Variants in CFDP1 observed in about 807,000 individuals in gnomAD.
The protein encoded by CFDP1 is heterochromatin-stabilizing protein CFDP1.
A neutral mutation model predicts 40.1 loss-of-function variants in CFDP1; 31 were observed. The observed-to-expected ratio is 0.77, with a 90% CI of 0.58 to 1.04. CFDP1 has a LOEUF of 1.04. CFDP1 is among the 50% of genes least tolerant of loss of function. The pLI, the probability that CFDP1 is intolerant of heterozygous loss-of-function variation, is 0.00. For missense variants in CFDP1, 423 were observed against 343.4 expected (o/e 1.23, Z -1.83); for synonymous variants, 167 against 120.0 (o/e 1.39, Z -2.56).
At chr16:75,426,559 CCA>C (rs754258087) in intron 1 of CFDP1, among the ~76,000 whole-genome samples, 15 of 151,834 alleles carry the variant, frequency 9.9e-5, no homozygotes, top group Non-Finnish European at 1.9e-4. Flanking sequence ...GCCTGTAGTC[CCA>C]GTTACTACAG....
intron 4 of CFDP1, among the ~76,000 whole-genome samples, chr16:75,408,668 C>T (rs1189090950): frequency 2.6e-5 from 4 of 151,488 alleles, no homozygotes; most frequent in Non-Finnish European, 4.4e-5. Context: ...CCCAGCCACT[C>T]GGGAGCCTGA....
intron 1 of CFDP1, among the ~76,000 whole-genome samples, chr16:75,416,881 T>A (rs2079212622): frequency 6.6e-6 from 1 of 152,216 alleles, no homozygotes; most frequent in South Asian, 2.1e-4. Flanking sequence ...CTGTTTGACA[T>A]CCCAAACACC....
chr16:75,406,699 C>T (rs2079102742), intron 4 of CFDP1: 1 of 150,474 alleles, frequency 6.6e-6, no homozygotes, highest in Non-Finnish European at 1.5e-5. Flanking sequence ...GAGACTCCAA[C>T]TCAAAAAATA....
chr16:75,423,620 T>C (rs1298988970), intron 1 of CFDP1, among the ~76,000 whole-genome samples: 5 of 152,040 alleles, frequency 3.3e-5, no homozygotes, highest in Non-Finnish European at 7.4e-5. Context: ...GTTCACGCCA[T>C]TCTCCTGCTT....
intron 5 of CFDP1, among the ~76,000 whole-genome samples, chr16:75,349,949 G>C (rs1414048268): frequency 6.6e-6 from 1 of 151,680 alleles, no homozygotes; most frequent in Non-Finnish European, 1.5e-5. Context: ...AGACATACTT[G>C]TCTTTTTCCT....
chr16:75,413,423 G>A (rs1034059470), intron 2 of CFDP1, among the ~76,000 whole-genome samples: 1 of 152,030 alleles, frequency 6.6e-6, no homozygotes, highest in Non-Finnish European at 1.5e-5. Flanking sequence ...AGCCGGGCAT[G>A]TTGGTGGGTG....
intron 1 of CFDP1, 96 bp downstream of exon 1, chr16:75,433,193 C>T: frequency 8.1e-7 from 1 of 1,239,604 alleles, no homozygotes; most frequent in South Asian, 1.3e-5. Flanking sequence ...CCTGGACCAC[C>T]TGGGCCACAG....
intron 1 of CFDP1, among the ~76,000 whole-genome samples, chr16:75,420,111 CAAAAAAAAAAAAA>C (rs10706144): frequency 1.6e-5 from 1 of 62,610 alleles, no homozygotes; most frequent in African/African-American, 6.3e-5. Flanking sequence ...ACCTTCATCT[CAAAAAAAAAAAAA>C]AAAAAAAAAA....
At chr16:75,294,864 C>T (rs79907512) in intron 6 of CFDP1, among the ~76,000 whole-genome samples, 2 of 152,204 alleles carry the variant, frequency 1.3e-5, no homozygotes, top group East Asian at 1.9e-4. Context: ...CCAGGCAGGA[C>T]GGGAAAGCAG....
rs140113812 is a variant in CFDP1 at position 75,429,728 on chromosome 16, T to G, written c.64+3561A>C. ...AAAGTGGAGGCCAGAAGGCAAAGAC[T>G]GTTTCAGAAGATTAAAGTGAAAATC... On this transcript the variant is annotated intron_variant, in intron 1 of 6. Transcript: ENST00000283882. Among the ~76,000 whole-genome samples, 986 of 152,332 alleles carry G rather than the reference T, an allele frequency of 6.5e-3. 8 individuals are homozygous for G. Among genetic ancestry groups the G allele is most frequent in the Middle Eastern group, 0.017 (5 of 294 alleles).
chr16:75,310,168 T>C (rs1252159862), intron 5 of CFDP1, among the ~76,000 whole-genome samples: 1 of 152,206 alleles, frequency 6.6e-6, no homozygotes. Flanking sequence ...TACCATAAAT[T>C]TGATGTAAAG....
chr16:75,387,925 G>T (rs1567666816), intron 5 of CFDP1, among the ~76,000 whole-genome samples: 1 of 152,166 alleles, frequency 6.6e-6, no homozygotes, highest in African/African-American at 2.4e-5. Context: ...GAAAAATGGG[G>T]AAACAGCCCT....
chr16:75,416,900 A>C (rs1410219476), intron 1 of CFDP1, among the ~76,000 whole-genome samples: 1 of 152,220 alleles, frequency 6.6e-6, no homozygotes, highest in Non-Finnish European at 1.5e-5. Context: ...CCAAGGGCTA[A>C]GTGACAGTGT....
intron 4 of CFDP1, among the ~76,000 whole-genome samples, chr16:75,396,963 G>A (rs768616390): frequency 6.6e-6 from 1 of 152,020 alleles, no homozygotes; most frequent in Non-Finnish European, 1.5e-5. Flanking sequence ...GCCTAGGCTG[G>A]AGTGCAGTGG....
intron 1 of CFDP1, 114 bp downstream of exon 1, chr16:75,433,175 G>T (rs1442419635): frequency 6.4e-6 from 6 of 931,598 alleles, no homozygotes; most frequent in Non-Finnish European, 9.6e-6. Flanking sequence ...CTCGAGAACA[G>T]GAGCCCCCCT....
At chr16:75,403,057 G>A (rs886514172) in intron 4 of CFDP1, among the ~76,000 whole-genome samples, 1 of 152,076 alleles carries the variant, frequency 6.6e-6, no homozygotes. Context: ...TAGACATGGT[G>A]CTGCCCTCTT....
chr16:75,411,696 C>T, intron 4 of CFDP1, 129 bp downstream of exon 4: 1 of 934,172 alleles, frequency 1.1e-6, no homozygotes, highest in Non-Finnish European at 1.6e-6. Flanking sequence ...GCCAGTTTTC[C>T]TTGAGTTCAA....
At chr16:75,392,452 G>T (rs1456403815) in intron 5 of CFDP1, among the ~76,000 whole-genome samples, 1 of 151,986 alleles carries the variant, frequency 6.6e-6, no homozygotes, top group Non-Finnish European at 1.5e-5. Context: ...CTTGTTACCA[G>T]GTATAAGCAT....
intron 5 of CFDP1, chr16:75,391,437 T>C (rs2078949813): frequency 6.6e-6 from 1 of 152,210 alleles, no homozygotes; most frequent in Non-Finnish European, 1.5e-5. Context: ...AGAGCAGTAT[T>C]TTGTCAAATT....
Sources: allele counts gnomAD v4.1 joint callset (sites outside exome capture counted in the v4.1 genomes callset), GRCh38; gene constraint gnomAD v4.1.1; transcripts MANE v1.5; gene names NCBI Gene and HGNC (gene_info 2026-07-23, HGNC 2026-07-21).